Variants in XKR9 observed in about 807,000 individuals in gnomAD.
The protein encoded by XKR9 is XK related 9.
A neutral mutation model predicts 32.0 loss-of-function variants in XKR9; 32 were observed. The ratio of observed to expected loss-of-function variants is 1.00; its 90% confidence interval spans 0.76 to 1.34. XKR9 has a LOEUF of 1.34. Among genes scored for constraint, XKR9 ranks in the 40% most tolerant of loss-of-function variants. XKR9 has a pLI of 0.00. For synonymous variants in XKR9, 168 were observed against 143.4 expected (o/e 1.17, Z -1.22); for missense variants, 546 against 429.7 (o/e 1.27, Z -2.39).
At chr8:71,007,102 A>ATTAT in the XKR9 span, among the ~76,000 whole-genome samples, 3 of 152,124 alleles carry the variant, frequency 2.0e-5, no homozygotes, top group Admixed American at 6.6e-5. Context: ...ATAGCAATCA[A>ATTAT]TTATTTCTCA....
intron 4 of XKR9, among the ~76,000 whole-genome samples, chr8:70,730,013 A>G (rs1033048207): frequency 2.0e-5 from 3 of 152,210 alleles, no homozygotes; most frequent in Non-Finnish European, 4.4e-5. Context: ...ACAAAATAGG[A>G]TCACAGTTTA....
chr8:71,029,078 C>A, the XKR9 span, among the ~76,000 whole-genome samples: 1 of 152,046 alleles, frequency 6.6e-6, no homozygotes, highest in Non-Finnish European at 1.5e-5. Context: ...CTGCAGGACC[C>A]CACGTGAGCT....
the XKR9 span, among the ~76,000 whole-genome samples, chr8:70,916,868 CTT>C: frequency 7.0e-6 from 1 of 142,188 alleles, no homozygotes; most frequent in African/African-American, 2.6e-5. Context: ...TGTGAAAAAG[CTT>C]TTTTTTTTTT....
chr8:70,967,900 A>T, the XKR9 span, among the ~76,000 whole-genome samples: 1 of 151,892 alleles, frequency 6.6e-6, no homozygotes, highest in Non-Finnish European at 1.5e-5. Flanking sequence ...GGAGAATCTG[A>T]CGATTATGTG....
the XKR9 span, among the ~76,000 whole-genome samples, chr8:70,949,946 T>C: frequency 6.6e-6 from 1 of 152,202 alleles, no homozygotes; most frequent in Non-Finnish European, 1.5e-5. Flanking sequence ...GAAGTTCACA[T>C]AGCTAGTAAG....
the XKR9 span, among the ~76,000 whole-genome samples, chr8:71,037,504 A>G: frequency 6.6e-6 from 1 of 152,182 alleles, no homozygotes. Flanking sequence ...GCTCTTGGGA[A>G]TCATGCCTCC....
At chr8:70,978,921 G>A in the XKR9 span, among the ~76,000 whole-genome samples, 7 of 152,054 alleles carry the variant, frequency 4.6e-5, no homozygotes, top group Admixed American at 1.3e-4. Context: ...TTTCTTGGAG[G>A]CTTTCTTCGT....
the XKR9 span, among the ~76,000 whole-genome samples, chr8:70,970,358 G>A: frequency 6.6e-6 from 1 of 151,958 alleles, no homozygotes; most frequent in African/African-American, 2.4e-5. Context: ...TGTGGTACAT[G>A]TGCAGAAGGT....
At chr8:70,976,201 G>T in the XKR9 span, among the ~76,000 whole-genome samples, 2 of 151,762 alleles carry the variant, frequency 1.3e-5, no homozygotes, top group African/African-American at 4.8e-5. Context: ...GGGACAATTT[G>T]ACTTCTACCC....
the XKR9 span, among the ~76,000 whole-genome samples, chr8:70,980,071 C>T: frequency 5.3e-5 from 8 of 152,222 alleles, no homozygotes; most frequent in Admixed American, 3.3e-4. Flanking sequence ...CTGAGCCAAT[C>T]GTGGGATATA....
the XKR9 span, among the ~76,000 whole-genome samples, chr8:70,831,447 G>C: frequency 6.6e-6 from 1 of 152,010 alleles, no homozygotes; most frequent in African/African-American, 2.4e-5. Flanking sequence ...TTTCTCTCGT[G>C]ATTAAAATGC....
At chr8:70,695,947 CA>C (rs1042788890) in intron 3 of XKR9, among the ~76,000 whole-genome samples, 2 of 151,698 alleles carry the variant, frequency 1.3e-5, no homozygotes, top group African/African-American at 4.8e-5. Context: ...AGCATTTTTT[CA>C]TGTGTTTTTT....
intron 4 of XKR9, among the ~76,000 whole-genome samples, chr8:70,715,299 A>C (rs1806052351): frequency 6.6e-6 from 1 of 152,182 alleles, no homozygotes; most frequent in African/African-American, 2.4e-5. Flanking sequence ...CCACTTGAAC[A>C]TACTAGGGGA....
At chr8:70,978,930 G>T in the XKR9 span, among the ~76,000 whole-genome samples, 209 of 151,926 alleles carry the variant, frequency 1.4e-3, no homozygotes, top group African/African-American at 4.8e-3. Context: ...GGCTTTCTTC[G>T]TTTCTTTTTA....
At chr8:71,041,206 AAAAG>A in the XKR9 span, among the ~76,000 whole-genome samples, 2 of 152,174 alleles carry the variant, frequency 1.3e-5, no homozygotes, top group Non-Finnish European at 2.9e-5. Context: ...GCTGATACCA[AAAAG>A]AAAGACCGAG....
chr8:70,696,424 A>G lies in XKR9; in HGVS notation c.273-10509A>G, dbSNP rs1294074722. Among the ~76,000 whole-genome samples, 5 of 151,710 alleles carry G rather than the reference A, an allele frequency of 3.3e-5. No individual in the cohort carries two copies. The East Asian group carries it at 9.6e-4, about 29-fold the overall frequency. On this transcript the variant is annotated intron_variant, in intron 3 of 4. Transcript: ENST00000408926. ...ATGGCTAGCCAGTTTTCCCAGCACC[A>G]TTTATTAAATAGGGAATCCTTTCCC...
the XKR9 span, among the ~76,000 whole-genome samples, chr8:70,999,002 A>G: frequency 6.6e-6 from 1 of 152,162 alleles, no homozygotes; most frequent in East Asian, 1.9e-4. Flanking sequence ...TTGGTCCTCC[A>G]TATCCATGGA....
the XKR9 span, among the ~76,000 whole-genome samples, chr8:70,939,364 T>C: frequency 6.6e-6 from 1 of 152,142 alleles, no homozygotes; most frequent in South Asian, 2.1e-4. Flanking sequence ...GATCATAGTT[T>C]GTTTTGTACA....
At chr8:71,002,206 A>G in the XKR9 span, among the ~76,000 whole-genome samples, 1 of 152,036 alleles carries the variant, frequency 6.6e-6, no homozygotes, top group Non-Finnish European at 1.5e-5. Flanking sequence ...AGTTAATTCT[A>G]TCATGTCCTA....
Sources: gnomAD v4.1 joint callset for allele counts (sites outside exome capture counted in the v4.1 genomes callset) on GRCh38, gnomAD v4.1.1 for gene constraint, MANE v1.5 for transcripts, NCBI Gene and HGNC (gene_info 2026-07-23, HGNC 2026-07-21) for gene names.